Variants in CHODL observed in about 807,000 individuals in gnomAD.
CHODL encodes chondrolectin.
In CHODL, 29 loss-of-function variants were observed where a neutral mutation model predicts 34.5. That is an observed-to-expected ratio of 0.84 (90% CI 0.63 to 1.15). The LOEUF (loss-of-function observed/expected upper bound fraction) is 1.15, where lower values mean the gene tolerates loss of function less well. Among genes scored for constraint, CHODL ranks in the 50% most tolerant of loss-of-function variants. CHODL has a pLI of 0.00. For synonymous variants in CHODL, 125 were observed against 116.1 expected (o/e 1.08, Z -0.49); for missense variants, 332 against 332.5 (o/e 1.00, Z 0.01).
At chr21:18,135,636 A>G (rs1013610331) in intron 2 of CHODL, among the ~76,000 whole-genome samples, 3 of 152,106 alleles carry the variant, frequency 2.0e-5, no homozygotes, top group African/African-American at 7.2e-5. Context: ...AGTCAAATCT[A>G]CCTCTATCAT....
intron 1 of CHODL, among the ~76,000 whole-genome samples, chr21:17,966,765 T>C (rs1316386903): frequency 3.9e-5 from 6 of 152,222 alleles, no homozygotes; most frequent in African/African-American, 1.4e-4. Context: ...TCCCTTTTAG[T>C]AATTCCCTTG....
chr21:18,099,616 A>C (rs2065186386), intron 2 of CHODL, among the ~76,000 whole-genome samples: 1 of 152,066 alleles, frequency 6.6e-6, no homozygotes, highest in African/African-American at 2.4e-5. Context: ...TGGAATCAGA[A>C]CTTTACCCAT....
At chr21:17,941,753 G>T (rs1039396128) in intron 1 of CHODL, among the ~76,000 whole-genome samples, 3 of 152,098 alleles carry the variant, frequency 2.0e-5, no homozygotes, top group Non-Finnish European at 2.9e-5. Flanking sequence ...ACCATAAACT[G>T]GGTAGCTTAT....
intron 2 of CHODL, among the ~76,000 whole-genome samples, chr21:18,088,601 C>T (rs900966455): frequency 6.6e-6 from 1 of 152,184 alleles, no homozygotes; most frequent in African/African-American, 2.4e-5. Flanking sequence ...AGGAATCTCT[C>T]CTGGCTATCT....
At chr21:18,187,143 C>A (rs772300650) in intron 2 of CHODL, among the ~76,000 whole-genome samples, 1 of 152,104 alleles carries the variant, frequency 6.6e-6, no homozygotes, top group Non-Finnish European at 1.5e-5. Context: ...TTCTCATTTT[C>A]AATTAAATAG....
chr21:18,249,360 CA>C (rs2074207812), intron 1 of CHODL, among the ~76,000 whole-genome samples: 2 of 151,038 alleles, frequency 1.3e-5, no homozygotes, highest in Admixed American at 6.6e-5. Flanking sequence ...ATGTGGAATG[CA>C]TTCAATTTGG....
chr21:18,211,028 G>C (rs548063577), intron 2 of CHODL, among the ~76,000 whole-genome samples: 1 of 151,980 alleles, frequency 6.6e-6, no homozygotes, highest in African/African-American at 2.4e-5. Flanking sequence ...AAAATAACCA[G>C]GCATGCCTCT....
chr21:18,167,417 C>G (rs1452040015), intron 2 of CHODL, among the ~76,000 whole-genome samples: 1 of 150,996 alleles, frequency 6.6e-6, no homozygotes, highest in Non-Finnish European at 1.5e-5. Flanking sequence ...TCACCCCATT[C>G]TCCTGCCTCA....
intron 2 of CHODL, among the ~76,000 whole-genome samples, chr21:18,179,430 C>T (rs1254688575): frequency 2.6e-5 from 4 of 152,184 alleles, no homozygotes; most frequent in African/African-American, 9.7e-5. Flanking sequence ...CTAGCACCAA[C>T]CTAAGCCAGT....
intron 2 of CHODL, among the ~76,000 whole-genome samples, chr21:18,185,833 C>A (rs7279833): frequency 1.3e-5 from 2 of 152,046 alleles, no homozygotes; most frequent in African/African-American, 2.4e-5. Context: ...TTTCACTAAC[C>A]TTATATGGTA....
intron 2 of CHODL, among the ~76,000 whole-genome samples, chr21:18,089,606 AATTAT>A (rs2146527085): frequency 6.6e-6 from 1 of 152,304 alleles, no homozygotes; most frequent in East Asian, 1.9e-4. Flanking sequence ...TTACAACTTG[AATTAT>A]ATTATCTCTA....
chr21:18,195,432 T>G (rs1297115588), intron 2 of CHODL, among the ~76,000 whole-genome samples: 1 of 152,140 alleles, frequency 6.6e-6, no homozygotes, highest in African/African-American at 2.4e-5. Flanking sequence ...AACTGAAACT[T>G]TGTACCCTTT....
At chr21:18,067,680 T>C (rs1016788060) in intron 2 of CHODL, among the ~76,000 whole-genome samples, 7 of 152,238 alleles carry the variant, frequency 4.6e-5, no homozygotes, top group Non-Finnish European at 1.0e-4. Context: ...AGGGAACCAA[T>C]ACTTGCCTTA....
intron 1 of CHODL, among the ~76,000 whole-genome samples, chr21:18,008,485 CT>C (rs1343534040): frequency 6.6e-6 from 1 of 151,988 alleles, no homozygotes; most frequent in Non-Finnish European, 1.5e-5. Context: ...CCATTTCCCC[CT>C]CCCCTCACAA....
At chr21:18,249,075 A>C (rs530796361) in intron 1 of CHODL, among the ~76,000 whole-genome samples, 1 of 112,150 alleles carries the variant, frequency 8.9e-6, no homozygotes, top group African/African-American at 4.4e-5. Flanking sequence ...ACTATATATA[A>C]TATATATATA....
intron 2 of CHODL, among the ~76,000 whole-genome samples, chr21:18,130,228 A>G (rs1465717128): frequency 6.6e-6 from 1 of 152,150 alleles, no homozygotes; most frequent in African/African-American, 2.4e-5. Flanking sequence ...TATCTTTGTT[A>G]TGGGGTTATT....
intron 1 of CHODL, among the ~76,000 whole-genome samples, chr21:17,920,470 G>T (rs915279160): frequency 6.6e-6 from 1 of 152,130 alleles, no homozygotes; most frequent in African/African-American, 2.4e-5. Context: ...CACAAGAACA[G>T]CCCAGAAAAG....
At chr21:18,096,397 A>G (rs1158603823) in intron 2 of CHODL, among the ~76,000 whole-genome samples, 1 of 152,226 alleles carries the variant, frequency 6.6e-6, no homozygotes, top group Non-Finnish European at 1.5e-5. Context: ...CGGGCAGAAC[A>G]GAGTCATATT....
At chr21:18,153,747 T>C (rs913020153) in intron 2 of CHODL, among the ~76,000 whole-genome samples, 3 of 151,336 alleles carry the variant, frequency 2.0e-5, no homozygotes, top group African/African-American at 7.4e-5. Context: ...AGGACTATGT[T>C]TTATATATAT....
Sources: allele counts gnomAD v4.1 joint callset (sites outside exome capture counted in the v4.1 genomes callset), GRCh38; gene constraint gnomAD v4.1.1; transcripts MANE v1.5; gene names NCBI Gene and HGNC (gene_info 2026-07-23, HGNC 2026-07-21).